SLC25A36: variants seen among roughly 807,000 people sequenced by gnomAD.
SLC25A36 encodes the protein epididymis secretory sperm binding protein.
SLC25A36 carries 24 observed loss-of-function variants against 35.3 expected under a neutral mutation model. The ratio of observed to expected loss-of-function variants is 0.68; its 90% CI spans 0.49 to 0.96. SLC25A36 has a LOEUF of 0.96. SLC25A36 is among the 40% of genes least tolerant of loss of function. SLC25A36 has a pLI of 0.00. For missense variants in SLC25A36, 294 were observed against 381.1 expected, an observed-to-expected ratio of 0.77 and a Z score of 1.90; for synonymous variants, 141 against 132.2, an observed-to-expected ratio of 1.07 and a Z score of -0.46.
At chr3:140,962,715 C>T (rs1934660631) in intron 3 of SLC25A36, among the ~76,000 whole-genome samples, 1 of 152,126 alleles carries the variant, frequency 6.6e-6, no homozygotes, top group Admixed American at 6.5e-5. Flanking sequence ...CTTAGCATTA[C>T]ACCAGCCTTA....
chr3:140,949,302 C>T (rs1462964340), intron 1 of SLC25A36, among the ~76,000 whole-genome samples: 1 of 152,128 alleles, frequency 6.6e-6, no homozygotes, highest in East Asian at 1.9e-4. Flanking sequence ...GCTTTATTAG[C>T]ATCTGCAGTA....
At chr3:140,974,786 A>T (rs1286071654) in intron 6 of SLC25A36, among the ~76,000 whole-genome samples, 1 of 152,088 alleles carries the variant, frequency 6.6e-6, no homozygotes, top group Non-Finnish European at 1.5e-5. Context: ...TCCATTGTAT[A>T]TTATATCAGG....
intron 1 of SLC25A36, among the ~76,000 whole-genome samples, chr3:140,949,810 T>C (rs1355788010): frequency 6.6e-6 from 1 of 152,226 alleles, no homozygotes; most frequent in African/African-American, 2.4e-5. Flanking sequence ...GACTGTTTTA[T>C]AGAAATAACT....
intron 1 of SLC25A36, among the ~76,000 whole-genome samples, chr3:140,946,370 G>C (rs926291024): frequency 2.6e-5 from 4 of 152,210 alleles, no homozygotes; most frequent in African/African-American, 4.8e-5. Flanking sequence ...GGTATGGCCA[G>C]AATGATAGAG....
chr3:140,971,984 C>G (rs1934915770), intron 5 of SLC25A36, among the ~76,000 whole-genome samples: 1 of 152,126 alleles, frequency 6.6e-6, no homozygotes, highest in Non-Finnish European at 1.5e-5. Context: ...GAACTATATA[C>G]TATTTGGAAA....
intron 1 of SLC25A36, among the ~76,000 whole-genome samples, chr3:140,953,840 T>C (rs1465145553): frequency 6.6e-6 from 1 of 152,176 alleles, no homozygotes; most frequent in Non-Finnish European, 1.5e-5. Context: ...CATGGTGGCA[T>C]GTGCCTGTAG....
At chr3:140,942,456 G>C in intron 1 of SLC25A36, 1 of 187,544 alleles carries the variant, frequency 5.3e-6, no homozygotes, top group Non-Finnish European at 1.1e-5. Flanking sequence ...AGCTGGGGTC[G>C]GCGCTTGATT....
chr3:140,964,242 A>G (rs1171195281), intron 4 of SLC25A36: 4 of 151,984 alleles, frequency 2.6e-5, no homozygotes, highest in African/African-American at 7.2e-5. Context: ...TGAAAGGTCA[A>G]TAGCCCTTAT....
At chr3:140,976,148 C>T (rs765088144) in intron 6 of SLC25A36, 112 bp from the exon 7 acceptor site, 14 of 714,076 alleles carry the variant, frequency 2.0e-5, no homozygotes, top group Non-Finnish European at 3.1e-5. Flanking sequence ...TAGAAGCCAT[C>T]CTTTTTTATC....
intron 1 of SLC25A36, chr3:140,942,357 T>A: frequency 5.8e-6 from 2 of 345,394 alleles, no homozygotes; most frequent in Non-Finnish European, 1.1e-5. Context: ...GGTTGAGGCA[T>A]GAAACCCGGG....
chr3:140,942,408 G>GGAGGCCGAATCCATGCGTCT (rs1934035751), intron 1 of SLC25A36: 1 of 263,926 alleles, frequency 3.8e-6, no homozygotes, highest in Non-Finnish European at 7.2e-6. Context: ...GGGGTGAGGC[G>GGAGGCCGAATCCATGCGTCT]GAGGCCGAAT....
intron 3 of SLC25A36, among the ~76,000 whole-genome samples, chr3:140,962,188 T>G (rs1180856595): frequency 6.6e-6 from 1 of 152,176 alleles, no homozygotes; most frequent in African/African-American, 2.4e-5. Context: ...TTTTTCTTTC[T>G]CATAAATTAG....
chr3:140,946,647 T>C (rs987657538), intron 1 of SLC25A36, among the ~76,000 whole-genome samples: 4 of 152,140 alleles, frequency 2.6e-5, no homozygotes, highest in Non-Finnish European at 2.9e-5. Flanking sequence ...ATGCAGAGTG[T>C]AGAAGAAGAG....
At chr3:140,954,828 T>G (rs1022609432) in intron 1 of SLC25A36, among the ~76,000 whole-genome samples, 3 of 152,206 alleles carry the variant, frequency 2.0e-5, no homozygotes. Context: ...GAGTAGAAGT[T>G]TTTAGTTTTG....
chr3:140,969,710 C>A (rs1245237124), intron 4 of SLC25A36, among the ~76,000 whole-genome samples: 1 of 151,738 alleles, frequency 6.6e-6, no homozygotes, highest in African/African-American at 2.4e-5. Context: ...TGTAGATACA[C>A]CTTTGAAAGC....
chr3:140,960,973 C>T lies in SLC25A36; in HGVS notation c.284+1433C>T, dbSNP rs376882855. Among the ~76,000 whole-genome samples, 27 of 152,252 alleles carry T rather than the reference C, an allele frequency of 1.8e-4. No homozygotes were observed. In the East Asian group the frequency reaches 3.9e-3, roughly 22 times the overall value. On this transcript the variant is annotated intron_variant, in intron 3 of 6. Transcript: ENST00000324194. ...CCAAAAGGACATGAAAACATAACTT[C>T]GTCATTTTTCTCTGACACCATTGCA...
At chr3:140,963,023 T>A (rs957395711) in intron 3 of SLC25A36, 104 bp from the exon 4 acceptor site, 2 of 657,254 alleles carry the variant, frequency 3.0e-6, no homozygotes, top group Non-Finnish European at 4.8e-6. Flanking sequence ...GCTAGGACTT[T>A]ATGGTTTTTA....
At chr3:140,970,784 T>C (rs1934879959) in intron 4 of SLC25A36, 143 bp from the exon 5 acceptor site, 1 of 444,696 alleles carries the variant, frequency 2.2e-6, no homozygotes, top group Admixed American at 3.9e-5. Context: ...GTTTGTCGTA[T>C]GTGAAAAGTG....
At chr3:140,955,387 A>T (rs561606865) in intron 1 of SLC25A36, among the ~76,000 whole-genome samples, 1 of 152,180 alleles carries the variant, frequency 6.6e-6, no homozygotes, top group Admixed American at 6.5e-5. Context: ...CTTTCACCGC[A>T]CTAAGAGCTT....
Sources: gnomAD v4.1 joint callset for allele counts (sites outside exome capture counted in the v4.1 genomes callset) on GRCh38, gnomAD v4.1.1 for gene constraint, MANE v1.5 for transcripts, NCBI Gene and HGNC (gene_info 2026-07-23, HGNC 2026-07-21) for gene names.